ADGRA1: variants seen among roughly 807,000 people sequenced by gnomAD.
ADGRA1 encodes adhesion G protein-coupled receptor A1, also known as G-protein coupled receptor 123.
ADGRA1 carries 12 observed loss-of-function variants against 21.3 expected under a neutral mutation model. The observed-to-expected ratio is 0.56, with a 90% CI of 0.36 to 0.91. The LOEUF is 0.91. Ranked by LOEUF, ADGRA1 falls within the 40% of genes least tolerant of loss-of-function variation. The probability of loss-of-function intolerance (pLI) is 0.01; values close to 1 mark genes in which losing one functional copy is unlikely to be tolerated. For synonymous variants in ADGRA1, 385 were observed against 368.8 expected, an observed-to-expected ratio of 1.04 and a Z score of -0.50; for missense variants, 790 against 805.6, an observed-to-expected ratio of 0.98 and a Z score of 0.23.
intron 2 of ADGRA1, among the ~76,000 whole-genome samples, chr10:133,092,061 C>T (rs1241686424): frequency 3.9e-5 from 6 of 152,174 alleles, no homozygotes; most frequent in East Asian, 1.9e-4. Context: ...TTAGGAAGTA[C>T]GTGAGCCCAC....
At chr10:133,104,118 C>A (rs957551408) in intron 5 of ADGRA1, among the ~76,000 whole-genome samples, 1 of 152,250 alleles carries the variant, frequency 6.6e-6, no homozygotes, top group African/African-American at 2.4e-5. Context: ...CATTTCAAGG[C>A]AGATACAGCC....
At chr10:133,088,684 C>A in intron 1 of ADGRA1, 24 bp from the exon 2 acceptor site, 2 of 1,222,124 alleles carry the variant, frequency 1.6e-6, no homozygotes, top group East Asian at 3.2e-5. Context: ...CCGCCCGCCC[C>A]GCTGACCGCC....
intron 5 of ADGRA1, among the ~76,000 whole-genome samples, chr10:133,110,701 G>A (rs1253573432): frequency 1.3e-5 from 2 of 152,196 alleles, no homozygotes; most frequent in East Asian, 1.9e-4. Context: ...CTGACCCTTT[G>A]TACACAAAAC....
intron 5 of ADGRA1, among the ~76,000 whole-genome samples, chr10:133,111,163 C>A (rs113697501): frequency 0.099 from 10,340 of 104,816 alleles, 3,021 homozygotes; most frequent in Non-Finnish European, 0.13. Flanking sequence ...CCCACCAGAC[C>A]ACCTGCCCGC....
Position 133,095,880 on chromosome 10 carries a change from C to T in ADGRA1, c.4-1094C>T. On this transcript the variant is annotated intron_variant, in intron 2 of 6. Transcript: ENST00000392607. ...CCATCCCAGAGGCCCGGCCGGCTGCCTCCTCCTGCCCCGATGCCCAGGGCA... is the reference window on the plus strand; with the variant it reads ...CCATCCCAGAGGCCCGGCCGGCTGCTTCCTCCTGCCCCGATGCCCAGGGCA... The T allele has an allele frequency of 2.1e-6, 3 of 1,423,222 alleles. No homozygotes were observed. In the South Asian group the frequency reaches 4.1e-5, roughly 19 times the overall value. 88.2% of individuals were successfully genotyped at this position (1,423,222 alleles called of 1,614,324 possible). A position where few individuals can be genotyped will look rare whatever the true frequency, so the allele number is the denominator to read the frequency against.
chr10:133,094,259 A>G (rs1408513604), intron 2 of ADGRA1, among the ~76,000 whole-genome samples: 1 of 152,260 alleles, frequency 6.6e-6, no homozygotes. Flanking sequence ...TGCCTCTTGC[A>G]TGAAAAGCAG....
At chr10:133,112,373 T>TGTCGGTTATTTGGGTTCTACGGGCTAC (rs1852052384) in intron 5 of ADGRA1, among the ~76,000 whole-genome samples, 1 of 121,296 alleles carries the variant, frequency 8.2e-6, no homozygotes, top group Non-Finnish European at 1.7e-5. Context: ...CTGCGGGCCG[T>TGTCGGTTATTTGGGTTCTACGGGCTAC]GTCGGTTATT....
intron 2 of ADGRA1, among the ~76,000 whole-genome samples, chr10:133,091,421 C>G (rs1198452683): frequency 6.6e-6 from 1 of 152,174 alleles, no homozygotes; most frequent in African/African-American, 2.4e-5. Context: ...GTCTGGCCCT[C>G]TGTGGCTACT....
chr10:133,115,701 C>T lies in ADGRA1; in HGVS notation c.402-11532C>T, dbSNP rs546964363. Among the ~76,000 whole-genome samples the T allele has an allele frequency of 1.4e-4, 22 of 152,306 alleles. 1 individual carries two copies. Among genetic ancestry groups the T allele is most frequent in the African/African-American group, 5.3e-4 (22 of 41,566 alleles). On this transcript the variant is annotated intron_variant, in intron 5 of 6. Transcript: ENST00000392607. ...TCGGCCGATGGCGTTGTCACCCCTC[C>T]CGGGCCCCTTGAACCACCCACTGCT... is the stretch of plus-strand genomic sequence containing the variant.
At chr10:133,095,630 G>C in intron 2 of ADGRA1, 1 of 1,583,758 alleles carries the variant, frequency 6.3e-7, no homozygotes, top group Non-Finnish European at 8.5e-7. Context: ...TTGACTGTCA[G>C]CCAGTCCCTT....
chr10:133,097,584 G>A (rs1851709746), intron 3 of ADGRA1, among the ~76,000 whole-genome samples: 10 of 152,232 alleles, frequency 6.6e-5, no homozygotes. Flanking sequence ...CACGGACAGA[G>A]CTTAGAGGCG....
At chr10:133,091,469 G>A (rs1372764478) in intron 2 of ADGRA1, among the ~76,000 whole-genome samples, 2 of 152,352 alleles carry the variant, frequency 1.3e-5, no homozygotes, top group South Asian at 2.1e-4. Context: ...GCAGCTGGGA[G>A]CATGAGCTCA....
chr10:133,124,509 G>A (rs996617935), intron 5 of ADGRA1, among the ~76,000 whole-genome samples: 4 of 152,250 alleles, frequency 2.6e-5, no homozygotes, highest in Non-Finnish European at 5.9e-5. Flanking sequence ...TGGCCCTGGC[G>A]TGCGAGCCGC....
At chr10:133,126,729 G>C (rs1041004533) in intron 5 of ADGRA1, among the ~76,000 whole-genome samples, 29 of 152,332 alleles carry the variant, frequency 1.9e-4, no homozygotes, top group African/African-American at 7.0e-4. Flanking sequence ...GGGGTTCCTC[G>C]GTCTGACAGG....
rs187049372 is a variant in ADGRA1 at position 133,100,416 on chromosome 10, T to C, written c.255+1653T>C. Among the ~76,000 whole-genome samples the C allele has an allele frequency of 2.4e-3, 367 of 152,344 alleles. 1 individual carries two copies. Among genetic ancestry groups the C allele is most frequent in the African/African-American group, 7.9e-3 (328 of 41,584 alleles). On this transcript the variant is annotated intron_variant, in intron 4 of 6. Coordinates refer to ENST00000392607, the MANE Select transcript of ADGRA1 (RefSeq NM_001083909.3). The stretch of plus-strand genomic sequence containing the variant: ...CCACACTGGGATGAAGCCTGCTGGA[T>C]CCGCGGGTGAGGCCCCCCGAGGGCC...
chr10:133,124,923 C>A (rs1852348842), intron 5 of ADGRA1, among the ~76,000 whole-genome samples: 1 of 152,212 alleles, frequency 6.6e-6, no homozygotes, highest in Non-Finnish European at 1.5e-5. Context: ...GCCTCCCGCG[C>A]CCTCTGCCGG....
chr10:133,123,964 G>C (rs923422906), intron 5 of ADGRA1, among the ~76,000 whole-genome samples: 1 of 152,212 alleles, frequency 6.6e-6, no homozygotes, highest in Non-Finnish European at 1.5e-5. Context: ...ACTGGTTTCA[G>C]GGAAGAGAAC....
At chr10:133,127,585 G>A (rs1212029684) in intron 6 of ADGRA1, among the ~76,000 whole-genome samples, 1 of 152,134 alleles carries the variant, frequency 6.6e-6, no homozygotes, top group Non-Finnish European at 1.5e-5. Flanking sequence ...CTATGGGAGG[G>A]GCCTGGGGAC....
In ADGRA1 at chr10:133,129,385, C is replaced by T. The variant is rs759708399; in HGVS notation, c.1557C>T (p.Ser519=). 4 of 1,604,912 alleles carry T rather than the reference C, an allele frequency of 2.5e-6. No homozygotes were observed. The highest frequency in any genetic ancestry group is 2.5e-6 in the Non-Finnish European group (3 of 1,178,130). ...TGGAGATGCTGCGGAGGACACAGTC[C>T]CTGCCCTTTGGTGGCCCCAGCCAGA... ...GHLEMLRRTQ[S]LPFGGPSQNG... is the part of the protein sequence containing the mutation. Residue 519 remains serine (S), a synonymous_variant, in exon 7 of 7, where the codon TCC becomes TCT. Transcript: ENST00000392607.
Sources: allele counts gnomAD v4.1 joint callset (sites outside exome capture counted in the v4.1 genomes callset), GRCh38; gene constraint gnomAD v4.1.1; transcripts MANE v1.5; gene names NCBI Gene and HGNC (gene_info 2026-07-23, HGNC 2026-07-21).